CCDC88C: variants seen among roughly 807,000 people sequenced by gnomAD.
CCDC88C encodes protein Daple.
A neutral mutation model predicts 198.8 loss-of-function variants in CCDC88C; 131 were observed. The observed-to-expected ratio is 0.66, with a 90% CI of 0.57 to 0.76. CCDC88C has a LOEUF of 0.76. Ranked by LOEUF, CCDC88C falls within the 30% of genes least tolerant of loss-of-function variation. CCDC88C has a pLI of 0.00. For missense variants in CCDC88C, 2,553 were observed against 2,631.6 expected, an observed-to-expected ratio of 0.97 and a Z score of 0.65; for synonymous variants, 1,166 against 1,114.7, an observed-to-expected ratio of 1.05 and a Z score of -0.92.
chr14:91,275,818 C>CTTTTTT (rs34204634), intron 29 of CCDC88C, among the ~76,000 whole-genome samples: 3 of 82,304 alleles, frequency 3.6e-5, no homozygotes, highest in East Asian at 3.7e-4. Context: ...ACCAGTGGTT[C>CTTTTTT]TTTTTTTTTT....
chr14:91,397,393 G>T (rs940708933), intron 3 of CCDC88C, among the ~76,000 whole-genome samples: 4 of 152,170 alleles, frequency 2.6e-5, no homozygotes, highest in African/African-American at 9.7e-5. Flanking sequence ...TCAAGGTCTT[G>T]ACTCAAGTCC....
chr14:91,356,957 C>A (rs1894060069), intron 4 of CCDC88C, among the ~76,000 whole-genome samples: 1 of 152,068 alleles, frequency 6.6e-6, no homozygotes, highest in African/African-American at 2.4e-5. Flanking sequence ...TGAGAAAAGG[C>A]GGGGAGAAGG....
chr14:91,331,231 T>C (rs1485285250), intron 10 of CCDC88C, among the ~76,000 whole-genome samples: 6 of 152,138 alleles, frequency 3.9e-5, no homozygotes, highest in Non-Finnish European at 7.4e-5. Context: ...CTGGAGAGAA[T>C]CGGAGGAAAG....
At chr14:91,345,519 T>C (rs1396509682) in intron 4 of CCDC88C, among the ~76,000 whole-genome samples, 1 of 152,180 alleles carries the variant, frequency 6.6e-6, no homozygotes, top group Non-Finnish European at 1.5e-5. Context: ...AACAATGTTA[T>C]AAAGAATATC....
At chr14:91,298,699 A>G (rs554713700) in intron 21 of CCDC88C, among the ~76,000 whole-genome samples, 113 of 152,284 alleles carry the variant, frequency 7.4e-4, no homozygotes, top group African/African-American at 2.6e-3. Context: ...GCCCTTTTAG[A>G]CGATGTGCAT....
intron 3 of CCDC88C, among the ~76,000 whole-genome samples, chr14:91,369,197 A>C (rs1252274900): frequency 1.3e-5 from 2 of 152,120 alleles, no homozygotes; most frequent in Non-Finnish European, 2.9e-5. Context: ...CCAAACCTTC[A>C]ATAACGACTC....
intron 4 of CCDC88C, among the ~76,000 whole-genome samples, chr14:91,350,622 A>T (rs761307299): frequency 6.6e-6 from 1 of 152,218 alleles, no homozygotes; most frequent in Non-Finnish European, 1.5e-5. Flanking sequence ...TCAAAGGCAC[A>T]GTGATGTCTC....
intron 1 of CCDC88C, 177 bp from the exon 2 acceptor site, chr14:91,417,015 C>G: frequency 1.4e-6 from 1 of 689,738 alleles, no homozygotes; most frequent in Admixed American, 2.1e-5. Flanking sequence ...TGTCTCCCCT[C>G]CCCGCGCGGG....
chr14:91,408,662 G>A lies in CCDC88C; in HGVS notation c.267C>T (p.Tyr89=), dbSNP rs745539497. ...CCGACAGCAGAACTGCCCTTACCTG[G>A]TAGTAGGTCTTAATGTTTCTCACCA... is the stretch of plus-strand genomic sequence containing the variant. ...TILVRNIKTY[Y]QEVLQQLIVM... Residue 89 remains tyrosine (Y), a synonymous_variant, in exon 3 of 30, where the codon TAC becomes TAT. Transcript: ENST00000389857. The A allele has an allele frequency of 8.2e-6, 13 of 1,589,320 alleles. No homozygotes were observed. In the Middle Eastern group the frequency reaches 6.6e-4, roughly 81 times the overall value.
chr14:91,355,749 T>G (rs1056977028), intron 4 of CCDC88C, among the ~76,000 whole-genome samples: 1 of 151,712 alleles, frequency 6.6e-6, no homozygotes, highest in South Asian at 2.1e-4. Flanking sequence ...GTGTGGGGGG[T>G]TAAGTGAGAC....
chr14:91,274,802 A>G (rs990910871), intron 29 of CCDC88C, among the ~76,000 whole-genome samples: 1 of 152,214 alleles, frequency 6.6e-6, no homozygotes, highest in Non-Finnish European at 1.5e-5. Context: ...AAGGTTGTTG[A>G]AAGGCTGTAT....
In CCDC88C at chr14:91,398,318, C is replaced by G. The variant is rs1885970676; in HGVS notation, c.270+10341G>C. Reference sequence around the variant, plus strand: ...GTTCAGCACACCACCAGGTCCTCAGCCCGTTTGCTTCACCCCTGGCCAACA... The same window carrying G: ...GTTCAGCACACCACCAGGTCCTCAGGCCGTTTGCTTCACCCCTGGCCAACA... On this transcript the variant is annotated intron_variant, in intron 3 of 29. Transcript: ENST00000389857. 5.9e-5 allele frequency among the ~76,000 whole-genome samples: 9 copies of G among 152,344 alleles called. 1 individual carries two copies. The South Asian group carries it at 1.9e-3, about 32-fold the overall frequency.
At chr14:91,285,941 T>C in intron 25 of CCDC88C, 1 of 611,128 alleles carries the variant, frequency 1.6e-6, no homozygotes, top group South Asian at 1.9e-5. Flanking sequence ...CTAAATGTAC[T>C]TAAGAAATCA....
intron 28 of CCDC88C, among the ~76,000 whole-genome samples, chr14:91,278,620 C>T (rs1274764462): frequency 6.6e-6 from 1 of 152,192 alleles, no homozygotes; most frequent in Non-Finnish European, 1.5e-5. Context: ...AAATCCTCCA[C>T]ATTTGTTCTG....
At chr14:91,307,369 T>G (rs1891604852) in intron 17 of CCDC88C, 143 bp from the exon 18 acceptor site, 1 of 651,020 alleles carries the variant, frequency 1.5e-6, no homozygotes, top group Admixed American at 2.7e-5. Context: ...CCAGACGCGC[T>G]CCTTTTCTTT....
chr14:91,293,455 C>CTG (rs1567055402), intron 23 of CCDC88C, among the ~76,000 whole-genome samples: 10 of 145,568 alleles, frequency 6.9e-5, no homozygotes, highest in African/African-American at 1.0e-4. Flanking sequence ...TGCCACGGTC[C>CTG]ACCTTCCCAT....
intron 3 of CCDC88C, among the ~76,000 whole-genome samples, chr14:91,380,956 G>GGT (rs957188313): frequency 1.1e-4 from 16 of 152,158 alleles, no homozygotes; most frequent in African/African-American, 3.1e-4. Flanking sequence ...ATCCGGTAAG[G>GGT]GTGTAATAGC....
At chr14:91,386,430 C>T (rs932496519) in intron 3 of CCDC88C, among the ~76,000 whole-genome samples, 1 of 152,014 alleles carries the variant, frequency 6.6e-6, no homozygotes, top group Non-Finnish European at 1.5e-5. Flanking sequence ...CTTTGCAGTC[C>T]GGCCCGGGAA....
intron 25 of CCDC88C, chr14:91,285,594 G>A: frequency 1.6e-6 from 2 of 1,230,768 alleles, no homozygotes; most frequent in East Asian, 5.8e-5. Context: ...CCTTTTAGAC[G>A]CTGGCTTTTT....
Sources: allele counts gnomAD v4.1 joint callset (sites outside exome capture counted in the v4.1 genomes callset), GRCh38; gene constraint gnomAD v4.1.1; transcripts MANE v1.5; gene names NCBI Gene and HGNC (gene_info 2026-07-23, HGNC 2026-07-21).